HERC1: variants seen among roughly 807,000 people sequenced by gnomAD.
HERC1 encodes the protein HECT and RLD domain containing E3 ubiquitin protein ligase family member 1.
In HERC1, 160 loss-of-function variants were observed where a neutral mutation model predicts 554.3. That is an observed-to-expected ratio of 0.29 (90% CI 0.25 to 0.33). The LOEUF (loss-of-function observed/expected upper bound fraction) is 0.33. HERC1 is among the 10% of genes least tolerant of loss of function. HERC1 has a pLI of 1.00. For synonymous variants in HERC1, 2,175 were observed against 2,131.7 expected (o/e 1.02, Z -0.56); for missense variants, 4,919 against 5,918.5 (o/e 0.83, Z 5.54).
At chr15:63,774,651 A>T in intron 2 of HERC1, 43 bp downstream of exon 2, 1 of 1,454,228 alleles carries the variant, frequency 6.9e-7, no homozygotes, top group Non-Finnish European at 9.3e-7. Context: ...TGACTTTTCC[A>T]AAAACTATTA....
At chr15:63,793,473 G>T (rs1278264676) in intron 1 of HERC1, among the ~76,000 whole-genome samples, 1 of 152,126 alleles carries the variant, frequency 6.6e-6, no homozygotes, top group Admixed American at 6.5e-5. Flanking sequence ...ACCCTATATG[G>T]TCTAAAAGGG....
Position 63,641,502 on chromosome 15 carries a change from T to G in HERC1, c.11575A>C (p.Met3859Leu). The change falls in exon 60 of 78, where the codon ATG becomes CTG. Residue 3859 changes from methionine to leucine, a missense_variant. Met to Leu is a conservative substitution (Grantham distance 15). Transcript: ENST00000443617. ...TAGGCATACTGCTCCTGAAGCATCA[T>G]GGGGAGCCGCTCCAAAAATGCTCTC... is the stretch of plus-strand genomic sequence containing the variant. ...CMRAFLERLP[M>L]MLQEQYAYEK... 1 of 1,613,434 alleles carries G rather than the reference T, an allele frequency of 6.2e-7. No homozygotes were observed. The highest frequency in any genetic ancestry group is 8.5e-7 in the Non-Finnish European group (1 of 1,179,618).
At position 63,737,545 on chromosome 15, in the gene HERC1, A is replaced by C. The variant is rs867377517; in HGVS notation, c.2521-2696T>G. On this transcript the variant is annotated intron_variant, in intron 12 of 77. Transcript: ENST00000443617. ...TATATATATATATATATATATATAT[A>C]TATCTTTTTTTTTTTTAGTAGAGAA... Among the ~76,000 whole-genome samples the C allele has an allele frequency of 4.0e-3, 201 of 49,842 alleles. 13 individuals are homozygous for C. Among genetic ancestry groups the C allele is most frequent in the African/African-American group, 0.014 (181 of 12,774 alleles). 32.7% of individuals were successfully genotyped at this position (49,842 alleles called of 152,430 possible). A position where few individuals can be genotyped will look rare whatever the true frequency, so the allele number is the denominator to read the frequency against.
chr15:63,643,282 G>T, intron 58 of HERC1, 122 bp downstream of exon 58: 2 of 928,034 alleles, frequency 2.2e-6, no homozygotes, highest in Non-Finnish European at 3.2e-6. Context: ...TCTGAAAGAA[G>T]TTTCCTCAGT....
At chr15:63,810,640 TA>T (rs1004369101) in intron 1 of HERC1, among the ~76,000 whole-genome samples, 13 of 152,090 alleles carry the variant, frequency 8.5e-5, no homozygotes, top group African/African-American at 2.4e-4. Context: ...TTTTTTAATT[TA>T]AAAAAAGGGC....
At chr15:63,776,572 G>A (rs1270455374) in intron 1 of HERC1, among the ~76,000 whole-genome samples, 1 of 152,220 alleles carries the variant, frequency 6.6e-6, no homozygotes, top group African/African-American at 2.4e-5. Context: ...TGCCTCTAGA[G>A]GGTGACAGCA....
At chr15:63,767,576 T>C (rs560807995) in intron 2 of HERC1, among the ~76,000 whole-genome samples, 2 of 152,162 alleles carry the variant, frequency 1.3e-5, no homozygotes, top group African/African-American at 4.8e-5. Context: ...CGGGCACCTG[T>C]AGTCCCAGCC....
At chr15:63,644,265 A>T (rs957010880) in intron 57 of HERC1, among the ~76,000 whole-genome samples, 8 of 152,238 alleles carry the variant, frequency 5.3e-5, no homozygotes, top group African/African-American at 1.7e-4. Context: ...ATCATGAGCA[A>T]AAGGAAGGCA....
chr15:63,654,596 T>A (rs1036605402), intron 50 of HERC1, among the ~76,000 whole-genome samples: 1 of 152,034 alleles, frequency 6.6e-6, no homozygotes, highest in African/African-American at 2.4e-5. Flanking sequence ...CTCACGCCTG[T>A]AATCCCAGTG....
rs970615772 is a variant in HERC1, at chr15:63,665,832, T to G, written c.8555+87A>C. 6 of 929,988 alleles carry G rather than the reference T, an allele frequency of 6.5e-6. No homozygotes were observed. In the African/African-American group the frequency reaches 9.9e-5, roughly 15 times the overall value. The allele number at this position is 929,988 out of a possible 1,614,324, so 57.6% of individuals were successfully genotyped here. ...CTATATTTATCAACTTTACATACAA[T>G]TAGAAGCATTTATGACGGGATATAT... On this transcript the variant is annotated intron_variant, in intron 42 of 77. Coordinates refer to ENST00000443617, the MANE Select transcript of HERC1 (RefSeq NM_003922.4).
chr15:63,826,802 AAAAAAAAAAAAAAT>A (rs1458276857), intron 1 of HERC1, among the ~76,000 whole-genome samples: 11 of 57,092 alleles, frequency 1.9e-4, no homozygotes, highest in African/African-American at 6.8e-4. Flanking sequence ...AAAAAAAAAA[AAAAAAAAAAAAAAT>A]ATATATATAT....
chr15:63,813,143 G>T (rs1188942771), intron 1 of HERC1, among the ~76,000 whole-genome samples: 1 of 152,180 alleles, frequency 6.6e-6, no homozygotes, highest in African/African-American at 2.4e-5. Flanking sequence ...TGGGCAGAGA[G>T]AATGATTAAC....
chr15:63,833,459 G>C (rs1055855675), intron 1 of HERC1, among the ~76,000 whole-genome samples: 6 of 152,128 alleles, frequency 3.9e-5, no homozygotes, highest in African/African-American at 1.2e-4. Context: ...AGCAGATAAA[G>C]GAATGAAGCA....
At chr15:63,659,090 T>C (rs1024734721) in intron 47 of HERC1, among the ~76,000 whole-genome samples, 1 of 152,176 alleles carries the variant, frequency 6.6e-6, no homozygotes, top group Non-Finnish European at 1.5e-5. Flanking sequence ...GTATTCCCTA[T>C]ACCAAAAATT....
rs528626847 is a variant in HERC1 at position 63,686,257 on chromosome 15, T to C, written c.6225+102A>G. ...CTTACATAATAATAGAACATTTACA[T>C]ATCACGATTTTTTTTCAGTCTTTCT... On this transcript the variant is annotated intron_variant, in intron 34 of 77. Coordinates refer to ENST00000443617, the MANE Select transcript of HERC1 (RefSeq NM_003922.4). 45 of 797,344 alleles carry C rather than the reference T, an allele frequency of 5.6e-5. No individual in the cohort carries two copies. The East Asian group carries it at 1.1e-3, about 19-fold the overall frequency. The allele number at this position is 797,344 out of a possible 1,614,324, so 49.4% of individuals were successfully genotyped here. A position where few individuals can be genotyped will look rare whatever the true frequency, so the allele number is the denominator to read the frequency against.
intron 12 of HERC1, among the ~76,000 whole-genome samples, chr15:63,745,871 T>C (rs1175037671): frequency 2.6e-5 from 4 of 152,192 alleles, no homozygotes; most frequent in Non-Finnish European, 5.9e-5. Context: ...GTAGGGTCAG[T>C]AGTAATATCT....
At chr15:63,688,866 A>G (rs1347778257) in intron 33 of HERC1, among the ~76,000 whole-genome samples, 4 of 152,160 alleles carry the variant, frequency 2.6e-5, no homozygotes, top group African/African-American at 9.7e-5. Context: ...TTCAATCAGA[A>G]ATGGGACAAA....
chr15:63,686,438 T>C lies in HERC1; in HGVS notation c.6146A>G (p.Gln2049Arg). The change falls in exon 34 of 78, where the codon CAG (glutamine) becomes CGG (arginine). Residue 2049 changes from glutamine (Q) to arginine (R), a missense_variant. Gln to Arg is a conservative substitution (Grantham distance 43). Transcript: ENST00000443617. ...KAQCCLVENG[Q>R]ILTHGSGGKG... ...CCCTCCACTGCCGTGAGTTAAAATC[T>C]GTCCATTCTCCACTAGGCAACACTG... 2.5e-6 allele frequency: 4 copies of C among 1,613,932 alleles called. No individual in the cohort carries two copies. Among genetic ancestry groups the C allele is most frequent in the South Asian group, 1.1e-5 (1 of 91,082 alleles).
chr15:63,718,448 G>T lies in HERC1; in HGVS notation c.3978+126C>A. 1 of 740,332 alleles carries T rather than the reference G, an allele frequency of 1.4e-6. No homozygotes were observed. Among genetic ancestry groups the T allele is most frequent in the Non-Finnish European group, 2.0e-6 (1 of 504,212 alleles). The allele number at this position is 740,332 out of a possible 1,614,324, so 45.9% of individuals were successfully genotyped here. A position where few individuals can be genotyped will look rare whatever the true frequency, so the allele number is the denominator to read the frequency against. ...CCTTTTTTTTTTTCTGCTAGGAAAA[G>T]AACTACTCAACATGTATTGAACATA... On this transcript the variant is annotated intron_variant, in intron 21 of 77. Transcript: ENST00000443617. The surrounding 1 kb of genome is among the most constrained non-coding windows in gnomAD (Gnocchi z 4.2).
Sources: allele counts gnomAD v4.1 joint callset (sites outside exome capture counted in the v4.1 genomes callset), GRCh38; gene constraint gnomAD v4.1.1; non-coding constraint Gnocchi (gnomAD v3.1); transcripts MANE v1.5; gene names NCBI Gene and HGNC (gene_info 2026-07-23, HGNC 2026-07-21).